The following MMP26 variants were observed in gnomAD, a reference collection of about 807,000 sequenced individuals.
MMP26 encodes the protein matrix metallopeptidase 26.
Under a neutral mutation model 31.0 loss-of-function variants are expected in MMP26, and 33 were observed. That is an observed-to-expected ratio of 1.06 (90% confidence interval 0.81 to 1.42). The LOEUF (loss-of-function observed/expected upper bound fraction) is 1.42. Ranked by LOEUF, MMP26 falls within the 40% of genes most tolerant of loss-of-function variation. The probability of loss-of-function intolerance (pLI) is 0.00; values close to 1 mark genes in which losing one functional copy is unlikely to be tolerated. For synonymous variants in MMP26, 122 were observed against 114.9 expected (o/e 1.06, Z -0.40); for missense variants, 347 against 316.1 (o/e 1.10, Z -0.74).
chr11:4,855,994 A>G (rs914387566), intron 2 of MMP26, among the ~76,000 whole-genome samples: 2 of 152,224 alleles, frequency 1.3e-5, no homozygotes, highest in African/African-American at 4.8e-5. Flanking sequence ...TGAAGGAGAA[A>G]TAAAATCCTT....
chr11:4,962,621 A>G (rs1454831348), intron 2 of MMP26, among the ~76,000 whole-genome samples: 1 of 152,176 alleles, frequency 6.6e-6, no homozygotes, highest in Admixed American at 6.5e-5. Context: ...GTTACCTAAA[A>G]GCCAGATCCA....
intron 2 of MMP26, among the ~76,000 whole-genome samples, chr11:4,820,105 A>G (rs1426757405): frequency 6.6e-6 from 1 of 152,136 alleles, no homozygotes. Context: ...CTTTAAAATC[A>G]TACACCTGGA....
At chr11:4,833,048 A>G (rs895022711) in intron 2 of MMP26, 1 of 152,394 alleles carries the variant, frequency 6.6e-6, no homozygotes, top group African/African-American at 2.4e-5. Flanking sequence ...AGGTCCTGGA[A>G]AAATTGGCTC....
intron 2 of MMP26, chr11:4,938,388 A>C (rs1846158885): frequency 6.6e-6 from 1 of 152,030 alleles, no homozygotes; most frequent in African/African-American, 2.4e-5. Flanking sequence ...TTTCTGTTAC[A>C]TTATAGATAC....
Position 4,799,855 on chromosome 11 carries a change from A to G in MMP26, c.-145+32514A>G, listed in dbSNP as rs73401100. Among the ~76,000 whole-genome samples the G allele has an allele frequency of 4.5e-3, 681 of 152,374 alleles. 4 individuals carry two copies. Among genetic ancestry groups the G allele is most frequent in the African/African-American group, 0.015 (612 of 41,584 alleles). ...CAATTCTGAAATCCAGCAGGCAGAC[A>G]TTAAACCTTAAAGCTCCAAAATAAT... On this transcript the variant is annotated intron_variant, in intron 2 of 7. Transcript: ENST00000380390.
Position 4,759,749 on chromosome 11 carries a change from G to T in MMP26, c.-216-7521G>T, listed in dbSNP as rs115286015. On this transcript the variant is annotated intron_variant, in intron 1 of 7. Coordinates refer to ENST00000380390, the MANE Select transcript of MMP26 (RefSeq NM_021801.5). Reference sequence around the variant, plus strand: ...ATTAGCTTCTTTGGTGTTTTCCAACGTAGTGTTTCTTCATCTAATCCAAGG... The same window carrying T: ...ATTAGCTTCTTTGGTGTTTTCCAACTTAGTGTTTCTTCATCTAATCCAAGG... Among the ~76,000 whole-genome samples, 874 of 152,218 alleles carry T rather than the reference G, an allele frequency of 5.7e-3. 9 individuals carry two copies. The highest frequency in any genetic ancestry group is 0.02 in the African/African-American group (834 of 41,524).
At chr11:4,831,071 A>T (rs1356475015) in intron 2 of MMP26, among the ~76,000 whole-genome samples, 7 of 152,170 alleles carry the variant, frequency 4.6e-5, no homozygotes, top group East Asian at 1.9e-4. Flanking sequence ...TCCTTAAAAA[A>T]TTTTGCAGCA....
rs3064937 is a variant in MMP26 at position 4,835,203 on chromosome 11, G to GACACACACACACACACAC, written c.-145+67876_-145+67893dup. Among the ~76,000 whole-genome samples, 938 of 143,218 alleles carry GACACACACACACACACAC rather than the reference G, an allele frequency of 6.5e-3. 14 individuals carry two copies. Among genetic ancestry groups the GACACACACACACACACAC allele is most frequent in the African/African-American group, 0.016 (615 of 37,750 alleles). The allele number at this position is 143,218 out of a possible 152,430, so 94.0% of individuals were successfully genotyped here. A position where few individuals can be genotyped will look rare whatever the true frequency, so the allele number is the denominator to read the frequency against. ...TCTCTCTCTCTTCCTCTCTCTTTCT[G>GACACACACACACACACAC]ACACACACACACACACACACACACA... On this transcript the variant is annotated intron_variant, in intron 2 of 7. Transcript: ENST00000380390.
At chr11:4,769,395 C>T (rs1848679625) in intron 2 of MMP26, 1 of 1,613,950 alleles carries the variant, frequency 6.2e-7, no homozygotes, top group South Asian at 1.1e-5. Context: ...TGAGAAAGGG[C>T]ATTCATTCTA....
At chr11:4,810,382 G>A (rs185191655) in intron 2 of MMP26, among the ~76,000 whole-genome samples, 144 of 152,274 alleles carry the variant, frequency 9.5e-4, no homozygotes, top group Middle Eastern at 3.4e-3. Context: ...TTGCATATAA[G>A]AGGAGTATTT....
At chr11:4,980,994 T>C (rs1251929301) in intron 2 of MMP26, among the ~76,000 whole-genome samples, 1 of 152,024 alleles carries the variant, frequency 6.6e-6, no homozygotes, top group Non-Finnish European at 1.5e-5. Flanking sequence ...CAATAGATAT[T>C]ATCTAAAACT....
intron 2 of MMP26, among the ~76,000 whole-genome samples, chr11:4,858,803 G>T (rs931458714): frequency 1.3e-5 from 2 of 152,120 alleles, no homozygotes; most frequent in African/African-American, 4.8e-5. Flanking sequence ...GAGGCATCAT[G>T]CTACCTGACT....
At chr11:4,908,471 T>C in intron 2 of MMP26, 1 of 670,986 alleles carries the variant, frequency 1.5e-6, no homozygotes, top group Non-Finnish European at 2.6e-6. Flanking sequence ...CTGAACAGGA[T>C]AGAAAAAAAA....
chr11:4,896,308 G>C (rs1850702951), intron 2 of MMP26, among the ~76,000 whole-genome samples: 1 of 152,064 alleles, frequency 6.6e-6, no homozygotes, highest in African/African-American at 2.4e-5. Context: ...TGCTTGCCAA[G>C]ACTTTTATCT....
At chr11:4,775,585 A>G (rs1848780486) in intron 2 of MMP26, among the ~76,000 whole-genome samples, 1 of 152,102 alleles carries the variant, frequency 6.6e-6, no homozygotes, top group Non-Finnish European at 1.5e-5. Flanking sequence ...ATTTGTAAAG[A>G]AACAGAGGTT....
intron 1 of MMP26, among the ~76,000 whole-genome samples, chr11:4,742,259 G>A (rs1008549873): frequency 6.6e-6 from 1 of 152,216 alleles, no homozygotes; most frequent in African/African-American, 2.4e-5. Flanking sequence ...ATGAGTAGTT[G>A]ACTAGAGGAC....
At chr11:4,933,306 G>A (rs192351629) in intron 2 of MMP26, among the ~76,000 whole-genome samples, 18 of 151,992 alleles carry the variant, frequency 1.2e-4, no homozygotes, top group Admixed American at 1.0e-3. Flanking sequence ...CGATGTGCTC[G>A]CAACCGGTAT....
At chr11:4,873,498 T>C (rs1423535346) in intron 2 of MMP26, among the ~76,000 whole-genome samples, 1 of 152,092 alleles carries the variant, frequency 6.6e-6, no homozygotes, top group Non-Finnish European at 1.5e-5. Flanking sequence ...GCCATTGGTA[T>C]TAAATGTTGC....
intron 1 of MMP26, among the ~76,000 whole-genome samples, chr11:4,741,545 G>A (rs1373382163): frequency 1.3e-5 from 2 of 151,474 alleles, no homozygotes; most frequent in African/African-American, 4.9e-5. Context: ...CACTACTACA[G>A]GAACAGAAAA....
Sources: gnomAD v4.1 joint callset for allele counts (sites outside exome capture counted in the v4.1 genomes callset) on GRCh38, gnomAD v4.1.1 for gene constraint, MANE v1.5 for transcripts, NCBI Gene and HGNC (gene_info 2026-07-23, HGNC 2026-07-21) for gene names.